RAP1B: variants seen among roughly 807,000 people sequenced by gnomAD.
RAP1B encodes the protein RAP1B, member of RAS oncogene family.
Under a neutral mutation model 27.5 loss-of-function variants are expected in RAP1B, and 1 was observed. That is an observed-to-expected ratio of 0.04 (90% CI 0.01 to 0.17). The LOEUF (loss-of-function observed/expected upper bound fraction) is 0.17. RAP1B is among the 10% of genes least tolerant of loss of function. The pLI is 1.00. For missense variants in RAP1B, 84 were observed against 214.8 expected (o/e 0.39, Z 3.81); for synonymous variants, 75 against 73.1 (o/e 1.03, Z -0.13).
chr12:68,616,243 T>G (rs1870995297), intron 1 of RAP1B, among the ~76,000 whole-genome samples: 1 of 151,880 alleles, frequency 6.6e-6, no homozygotes, highest in South Asian at 2.1e-4. Flanking sequence ...ATTACAGGCG[T>G]GAGCCACTGT....
chr12:68,646,291 GT>G (rs1434152897), intron 1 of RAP1B, among the ~76,000 whole-genome samples: 1 of 151,450 alleles, frequency 6.6e-6, no homozygotes, highest in East Asian at 1.9e-4. Flanking sequence ...ACTACAACCA[GT>G]TTTTGGTGTG....
intron 7 of RAP1B, among the ~76,000 whole-genome samples, chr12:68,659,028 A>G (rs1333016298): frequency 1.3e-5 from 2 of 152,170 alleles, no homozygotes; most frequent in African/African-American, 4.8e-5. Context: ...ATTTGCACAA[A>G]GGTACTTTCC....
intron 1 of RAP1B, among the ~76,000 whole-genome samples, chr12:68,630,619 T>G (rs1372930043): frequency 6.6e-6 from 1 of 152,152 alleles, no homozygotes; most frequent in East Asian, 1.9e-4. Flanking sequence ...TATTTAACCC[T>G]TAACTGAGTA....
At chr12:68,656,223 GA>G (rs1874194319) in intron 5 of RAP1B, 82 bp from the exon 6 acceptor site, 1 of 1,267,716 alleles carries the variant, frequency 7.9e-7, no homozygotes, top group East Asian at 2.4e-5. Flanking sequence ...GTAATTCTTA[GA>G]TTTGACTCTT....
Position 68,647,170 on chromosome 12 carries a change from G to A in RAP1B, c.-26-1529G>A, listed in dbSNP as rs79563342. Reference sequence around the variant, plus strand: ...CAGGTTCAAGCGATTCTCATGCCTCGGCTTTGCGAGTAGCTGTGATTACAG... The same window carrying A: ...CAGGTTCAAGCGATTCTCATGCCTCAGCTTTGCGAGTAGCTGTGATTACAG... On this transcript the variant is annotated intron_variant, in intron 1 of 7. Transcript: ENST00000250559. 7.8e-3 allele frequency among the ~76,000 whole-genome samples: 1,193 copies of A among 152,128 alleles called. 6 individuals carry two copies. The highest frequency in any genetic ancestry group is 0.012 in the Non-Finnish European group (825 of 67,970).
intron 3 of RAP1B, 196 bp downstream of exon 3, chr12:68,650,664 C>A: frequency 2.5e-6 from 1 of 400,656 alleles, no homozygotes; most frequent in Non-Finnish European, 4.1e-6. Flanking sequence ...CTCACATATT[C>A]ACAGAATTTT....
chr12:68,658,861 A>G (rs1303998028), intron 7 of RAP1B, among the ~76,000 whole-genome samples: 1 of 152,228 alleles, frequency 6.6e-6, no homozygotes, highest in Non-Finnish European at 1.5e-5. Flanking sequence ...CTTATGATCT[A>G]ATTCTAGGAG....
At chr12:68,655,284 A>T (rs2135967870) in intron 5 of RAP1B, among the ~76,000 whole-genome samples, 1 of 152,214 alleles carries the variant, frequency 6.6e-6, no homozygotes, top group African/African-American at 2.4e-5. Context: ...ACATCACTGC[A>T]CTCCATCTAG....
In RAP1B at chr12:68,670,589, A is replaced by C. The variant is rs1379037944; in HGVS notation, c.*11340A>C. On this transcript the variant is annotated 3_prime_UTR_variant, in exon 8 of 8. Coordinates refer to ENST00000250559, the MANE Select transcript of RAP1B (RefSeq NM_001010942.3). ...ATCAGAAGTCAAAAATGTAAGTCGAAAATGCATTTAATACCCTGATAAATC... is the reference window on the plus strand; with the variant it reads ...ATCAGAAGTCAAAAATGTAAGTCGACAATGCATTTAATACCCTGATAAATC... 6.6e-6 allele frequency: 1 copy of C among 152,364 alleles called. No individual in the cohort carries two copies. Among genetic ancestry groups the C allele is most frequent in the East Asian group, 1.9e-4 (1 of 5,190 alleles). The allele number at this position is 152,364 out of a possible 1,614,324, so 9.4% of individuals were successfully genotyped here.
chr12:68,638,932 A>G (rs1284603845), intron 1 of RAP1B, among the ~76,000 whole-genome samples: 1 of 152,184 alleles, frequency 6.6e-6, no homozygotes, highest in Non-Finnish European at 1.5e-5. Context: ...AAGTGCTGGG[A>G]TTACAGACAT....
intron 1 of RAP1B, among the ~76,000 whole-genome samples, chr12:68,628,923 C>G (rs1592433961): frequency 6.6e-6 from 1 of 152,204 alleles, no homozygotes; most frequent in Admixed American, 6.5e-5. Flanking sequence ...GATTCTAATC[C>G]TAAATCTACA....
chr12:68,650,589 G>T, intron 3 of RAP1B, 121 bp downstream of exon 3: 2 of 950,682 alleles, frequency 2.1e-6, no homozygotes, highest in Non-Finnish European at 1.4e-6. Context: ...AAAATTAGTG[G>T]GAAAAGTTTA....
intron 1 of RAP1B, among the ~76,000 whole-genome samples, chr12:68,647,573 CTT>C (rs535209428): frequency 3.3e-4 from 47 of 141,892 alleles, no homozygotes; most frequent in Non-Finnish European, 3.1e-4. Context: ...CTTTTTTTCC[CTT>C]TTTTTTTTTT....
In RAP1B at chr12:68,669,184, A is replaced by G. The variant is rs1874969317; in HGVS notation, c.*9935A>G. 6.6e-6 allele frequency: 1 copy of G among 152,230 alleles called. No individual in the cohort carries two copies. Among genetic ancestry groups the G allele is most frequent in the African/African-American group, 2.4e-5 (1 of 41,458 alleles). The allele number at this position is 152,230 out of a possible 1,614,324, so 9.4% of individuals were successfully genotyped here. On this transcript the variant is annotated 3_prime_UTR_variant, in exon 8 of 8. Transcript: ENST00000250559. ...TACAAGTTGATATAGTAAACACGAC[A>G]GATAAAAACTAAATGCCTTAAGGTA... is the stretch of plus-strand genomic sequence containing the variant.
In RAP1B at chr12:68,663,508, A is replaced by G. The variant is rs1279357023; in HGVS notation, c.*4259A>G. ...ATACCTGTTGAAACAAGACTACTAA[A>G]CAGATTAATCAACTAATTCCATAGG... On this transcript the variant is annotated 3_prime_UTR_variant, in exon 8 of 8. Transcript: ENST00000250559. 6.6e-6 allele frequency: 1 copy of G among 152,214 alleles called. No homozygotes were observed. The highest frequency in any genetic ancestry group is 1.5e-5 in the Non-Finnish European group (1 of 68,030). The allele number at this position is 152,214 out of a possible 1,614,324, so 9.4% of individuals were successfully genotyped here.
At position 68,659,491 on chromosome 12, in the gene RAP1B, G is replaced by T. The variant is rs1005186964; in HGVS notation, c.*242G>T. The T allele has an allele frequency of 2.9e-6, 1 of 341,122 alleles. No homozygotes were observed. The allele number at this position is 341,122 out of a possible 1,614,324, so 21.1% of individuals were successfully genotyped here. On this transcript the variant is annotated 3_prime_UTR_variant, in exon 8 of 8. Transcript: ENST00000250559. ...GAGTTTGCAGCTGGTAAAACCAGAGGCTACATCCAGTATTACTGCTAAGAG... is the reference window on the plus strand; with the variant it reads ...GAGTTTGCAGCTGGTAAAACCAGAGTCTACATCCAGTATTACTGCTAAGAG...
intron 1 of RAP1B, among the ~76,000 whole-genome samples, chr12:68,611,646 C>G (rs1468792043): frequency 6.6e-6 from 1 of 152,176 alleles, no homozygotes; most frequent in African/African-American, 2.4e-5. Flanking sequence ...GGCTTGCTTG[C>G]TCCATTTGTT....
intron 1 of RAP1B, among the ~76,000 whole-genome samples, chr12:68,626,089 G>A (rs949379026): frequency 6.6e-6 from 1 of 152,148 alleles, no homozygotes; most frequent in African/African-American, 2.4e-5. Flanking sequence ...TCGGCCTTGT[G>A]TTGAAACAGA....
At chr12:68,633,153 A>T (rs188582419) in intron 1 of RAP1B, among the ~76,000 whole-genome samples, 27 of 152,324 alleles carry the variant, frequency 1.8e-4, no homozygotes, top group Admixed American at 7.2e-4. Context: ...GTGACATCTT[A>T]CATCTAAAAC....
Sources: gnomAD v4.1 joint callset for allele counts (sites outside exome capture counted in the v4.1 genomes callset) on GRCh38, gnomAD v4.1.1 for gene constraint, MANE v1.5 for transcripts, NCBI Gene and HGNC (gene_info 2026-07-23, HGNC 2026-07-21) for gene names.